The following ZNRF3 variants were observed in gnomAD, a reference collection of about 807,000 sequenced individuals.
ZNRF3 encodes the protein zinc and ring finger 3, also known as E3 ubiquitin-protein ligase ZNRF3.
Under a neutral mutation model 72.5 loss-of-function variants are expected in ZNRF3, and 23 were observed. That is an observed-to-expected ratio of 0.32 (90% CI 0.23 to 0.45). The LOEUF (loss-of-function observed/expected upper bound fraction) is 0.45, where lower values mean the gene tolerates loss of function less well. Ranked by LOEUF, ZNRF3 falls within the 20% of genes least tolerant of loss-of-function variation. ZNRF3 has a pLI of 1.00. For missense variants in ZNRF3, 1,169 were observed against 1,272.1 expected, an observed-to-expected ratio of 0.92 and a Z score of 1.23; for synonymous variants, 610 against 545.3, an observed-to-expected ratio of 1.12 and a Z score of -1.65.
chr22:28,913,210 C>CTATGCATTAA (rs2034350501), intron 1 of ZNRF3, among the ~76,000 whole-genome samples: 1 of 152,180 alleles, frequency 6.6e-6, no homozygotes, highest in African/African-American at 2.4e-5. Context: ...AGGATCTATG[C>CTATGCATTAA]TATGCATTAA....
chr22:28,961,857 C>G (rs567194635), intron 1 of ZNRF3, among the ~76,000 whole-genome samples: 5 of 152,268 alleles, frequency 3.3e-5, no homozygotes, highest in African/African-American at 9.6e-5. Context: ...TTGCTGACTT[C>G]CTGTGGTATT....
At chr22:29,041,548 C>A (rs2036962887) in intron 2 of ZNRF3, among the ~76,000 whole-genome samples, 3 of 152,246 alleles carry the variant, frequency 2.0e-5, no homozygotes, top group Admixed American at 1.3e-4. Context: ...TCCCTCTGAT[C>A]AGTAGTTCCC....
Position 29,050,009 on chromosome 22 carries a change from GC to G in ZNRF3, c.1829del (p.Ala610GlyfsTer56). 1 of 1,611,720 alleles carries G rather than the reference GC, an allele frequency of 6.2e-7. No individual in the cohort carries two copies. Among genetic ancestry groups the G allele is most frequent in the Non-Finnish European group, 8.5e-7 (1 of 1,179,482 alleles). ...RSRSPCRASE[A>X]GGSGSSGRGP... The stretch of plus-strand genomic sequence containing the variant: ...CCGGAGCCCCTGTCGTGCCAGTGAG[GC>G]GGGGGGCTCGGGCAGCTCGGGCCGG... On this transcript the variant is annotated frameshift_variant, in exon 8 of 9. Transcript: ENST00000544604. LOFTEE classifies it high-confidence loss of function.
Position 29,049,096 on chromosome 22 carries a change from C to A in ZNRF3, c.1016-101C>A. 7.4e-7 allele frequency: 1 copy of A among 1,356,384 alleles called. No individual in the cohort carries two copies. The highest frequency in any genetic ancestry group is 1.0e-6 in the Non-Finnish European group (1 of 993,216). 84.0% of individuals were successfully genotyped at this position (1,356,384 alleles called of 1,614,324 possible). On this transcript the variant is annotated intron_variant, in intron 7 of 8. Transcript: ENST00000544604. The surrounding 1 kb of genome is among the most constrained non-coding windows in gnomAD (Gnocchi z 5.2). ...GAGAATGGGTACCTTGGCAGGTGAC[C>A]AAGCCTGCTGCTTCAGCCTTTGCCC...
intron 1 of ZNRF3, among the ~76,000 whole-genome samples, chr22:28,884,473 CCA>C (rs1310300416): frequency 6.6e-6 from 1 of 152,230 alleles, no homozygotes; most frequent in Middle Eastern, 3.2e-3. Context: ...GCTTTTCCAT[CCA>C]TGCATGTTCT....
At chr22:29,040,290 C>T (rs1275135102) in intron 2 of ZNRF3, among the ~76,000 whole-genome samples, 1 of 152,050 alleles carries the variant, frequency 6.6e-6, no homozygotes, top group African/African-American at 2.4e-5. Context: ...AGTGATTCTC[C>T]TGCCTCAGCC....
chr22:28,905,512 G>A (rs2034188938), intron 1 of ZNRF3, among the ~76,000 whole-genome samples: 1 of 152,152 alleles, frequency 6.6e-6, no homozygotes, highest in South Asian at 2.1e-4. Context: ...GATTTGTTAA[G>A]CCATTAAGAA....
intron 1 of ZNRF3, among the ~76,000 whole-genome samples, chr22:28,899,271 A>G (rs1457164988): frequency 6.6e-6 from 1 of 151,988 alleles, no homozygotes; most frequent in African/African-American, 2.4e-5. Flanking sequence ...GCATTTCCTG[A>G]CTCTTGTGTT....
intron 1 of ZNRF3, among the ~76,000 whole-genome samples, chr22:28,951,316 C>T (rs1018583410): frequency 2.0e-5 from 3 of 152,094 alleles, no homozygotes; most frequent in Non-Finnish European, 2.9e-5. Context: ...CGGAGGTAAT[C>T]AAGTTCAATT....
chr22:29,030,882 A>C lies in ZNRF3; in HGVS notation c.427-11613A>C, dbSNP rs1162907757. On this transcript the variant is annotated intron_variant, in intron 2 of 8. Coordinates refer to ENST00000544604, the MANE Select transcript of ZNRF3 (RefSeq NM_001206998.2). The surrounding 1 kb of genome is among the most constrained non-coding windows in gnomAD (Gnocchi z 4.2). ...AGTTCTGAGCTGTGTTTGTGGCTTC[A>C]GCGCTTTGATCTCCTGCCAGGGAAA... is the stretch of plus-strand genomic sequence containing the variant. 1.3e-5 allele frequency among the ~76,000 whole-genome samples: 2 copies of C among 152,178 alleles called. No individual in the cohort carries two copies. Among genetic ancestry groups the C allele is most frequent in the East Asian group, 3.9e-4 (2 of 5,188 alleles).
chr22:28,954,969 T>C (rs1427794729), intron 1 of ZNRF3, among the ~76,000 whole-genome samples: 1 of 152,120 alleles, frequency 6.6e-6, no homozygotes, highest in African/African-American at 2.4e-5. Flanking sequence ...ATTTTTTTCT[T>C]GTCCACTAAA....
intron 2 of ZNRF3, among the ~76,000 whole-genome samples, chr22:29,038,590 G>A (rs923219194): frequency 1.3e-5 from 2 of 152,066 alleles, no homozygotes; most frequent in South Asian, 4.2e-4. Context: ...CTCAACCTCC[G>A]AAAGTGCTGA....
At chr22:29,011,361 C>T (rs117395139) in intron 2 of ZNRF3, among the ~76,000 whole-genome samples, 1,611 of 152,256 alleles carry the variant, frequency 0.011, 27 homozygotes, top group East Asian at 0.043. Flanking sequence ...TCCTGTCCGT[C>T]TCCGTGGCCA....
chr22:28,896,971 G>GT (rs2034009549), intron 1 of ZNRF3, among the ~76,000 whole-genome samples: 1 of 152,094 alleles, frequency 6.6e-6, no homozygotes, highest in African/African-American at 2.4e-5. Context: ...GTCTCACTAT[G>GT]TTGCCTAGAC....
intron 1 of ZNRF3, among the ~76,000 whole-genome samples, chr22:28,919,921 C>T (rs1479229962): frequency 6.6e-6 from 1 of 152,164 alleles, no homozygotes; most frequent in Non-Finnish European, 1.5e-5. Flanking sequence ...ACATTGAACT[C>T]TGTTCATTCT....
chr22:29,036,752 A>G (rs981054468), intron 2 of ZNRF3, among the ~76,000 whole-genome samples: 8 of 152,210 alleles, frequency 5.3e-5, no homozygotes, highest in Non-Finnish European at 8.8e-5. Flanking sequence ...TCAATGTAGT[A>G]TTAATTATAA....
intron 1 of ZNRF3, among the ~76,000 whole-genome samples, chr22:28,937,205 ATATATATATATTTTTTTTTTTTT>A (rs1289189956): frequency 0.031 from 126 of 4,056 alleles, 1 homozygote; most frequent in Middle Eastern, 0.25. Flanking sequence ...ATATATATAT[ATATATATATATTTTTTTTTTTTT>A]TTTTTTTTTT....
Position 29,049,387 on chromosome 22 carries a change from C to G in ZNRF3, c.1206C>G (p.His402Gln). The G allele has an allele frequency of 6.2e-7, 1 of 1,612,186 alleles. No individual in the cohort carries two copies. Among genetic ancestry groups the G allele is most frequent in the South Asian group, 1.1e-5 (1 of 91,056 alleles). Residue 402 changes from histidine to glutamine, a missense_variant, in exon 8 of 9, where the codon CAC becomes CAG. Coordinates refer to ENST00000544604, the MANE Select transcript of ZNRF3 (RefSeq NM_001206998.2). This position sits in a 1 kb window ranked among gnomAD's most constrained non-coding sequence, Gnocchi z 5.2. Reference protein sequence around the residue: ...NPVTLLTMDRHGEQSLYSPQT... With the variant: ...NPVTLLTMDRQGEQSLYSPQT... ...TCACCTTGCTGACCATGGACCGGCA[C>G]GGGGAGCAGAGCCTCTATTCCCCGC... is the stretch of plus-strand genomic sequence containing the variant.
chr22:29,030,934 C>G lies in ZNRF3; in HGVS notation c.427-11561C>G, dbSNP rs905372233. On this transcript the variant is annotated intron_variant, in intron 2 of 8. Coordinates refer to ENST00000544604, the MANE Select transcript of ZNRF3 (RefSeq NM_001206998.2). This position sits in a 1 kb window ranked among gnomAD's most constrained non-coding sequence, Gnocchi z 4.2. The stretch of plus-strand genomic sequence containing the variant: ...CTGGAAGGTCAGGCCGGGCTGCAGC[C>G]AAGCCCTGGAGCGAGGAGCCGGCGG... 6.6e-6 allele frequency: 1 copy of G among 152,460 alleles called. No homozygotes were observed. The highest frequency in any genetic ancestry group is 1.5e-5 in the Non-Finnish European group (1 of 68,258). 9.4% of individuals were successfully genotyped at this position (152,460 alleles called of 1,614,324 possible).
Sources: allele counts gnomAD v4.1 joint callset (sites outside exome capture counted in the v4.1 genomes callset), GRCh38; gene constraint gnomAD v4.1.1; non-coding constraint Gnocchi (gnomAD v3.1); transcripts MANE v1.5; gene names NCBI Gene and HGNC (gene_info 2026-07-23, HGNC 2026-07-21).